The following C5orf58 variants were observed in gnomAD, a reference collection of about 807,000 sequenced individuals.
C5orf58 encodes chromosome 5 open reading frame 58.
A neutral mutation model predicts 2.9 loss-of-function variants in C5orf58; 2 were observed. That is an observed-to-expected ratio of 0.69 (90% CI 0.28 to 2.18). The LOEUF (loss-of-function observed/expected upper bound fraction) is 2.18, where lower values mean the gene tolerates loss of function less well. Among genes scored for constraint, C5orf58 ranks in the 30% most tolerant of loss-of-function variants. The pLI is 0.13. For missense variants in C5orf58, 96 were observed against 91.7 expected, an observed-to-expected ratio of 1.05 and a Z score of -0.19; for synonymous variants, 37 against 33.4, an observed-to-expected ratio of 1.11 and a Z score of -0.37.
chr5:170,238,890 A>T (rs533284036), intron 3 of C5orf58, among the ~76,000 whole-genome samples: 1 of 152,334 alleles, frequency 6.6e-6, no homozygotes, highest in South Asian at 2.1e-4. Context: ...TACTGAGCCT[A>T]TATGTCACCA....
chr5:170,250,718 T>C (rs1308888715), downstream of C5orf58: 1 of 1,610,698 alleles, frequency 6.2e-7, no homozygotes, highest in Non-Finnish European at 8.5e-7. Context: ...TGTCGAAATT[T>C]GAAATCCTTA....
chr5:170,249,362 G>GTA (rs72371153), downstream of C5orf58, among the ~76,000 whole-genome samples: 6,628 of 108,028 alleles, frequency 0.061, 156 homozygotes, highest in Middle Eastern at 0.15. Context: ...GCATGCGTGT[G>GTA]TATATATATA....
At chr5:170,242,154 T>C (rs1220594400) in intron 3 of C5orf58, among the ~76,000 whole-genome samples, 1 of 150,904 alleles carries the variant, frequency 6.6e-6, no homozygotes, top group Admixed American at 6.6e-5. Context: ...GATAAGCTTT[T>C]TGATATGCTG....
chr5:170,248,938 G>T (rs927896650), downstream of C5orf58: 1 of 992,250 alleles, frequency 1.0e-6, no homozygotes, highest in Non-Finnish European at 1.5e-6. Context: ...ATTGTGGGGG[G>T]AAAAAATGTA....
chr5:170,235,151 A>G (rs1043634876), intron 3 of C5orf58, 81 bp downstream of exon 3: 3 of 745,108 alleles, frequency 4.0e-6, no homozygotes, highest in African/African-American at 3.7e-5. Context: ...CTGCTGGGGT[A>G]TAAGTAAATT....
At chr5:170,237,564 A>T (rs1228457580) in intron 3 of C5orf58, among the ~76,000 whole-genome samples, 1 of 152,168 alleles carries the variant, frequency 6.6e-6, no homozygotes, top group Non-Finnish European at 1.5e-5. Context: ...ACAAGTCTGA[A>T]CCCCAAAGCC....
chr5:170,252,441 A>G (rs934749428), downstream of C5orf58: 4 of 1,556,610 alleles, frequency 2.6e-6, no homozygotes, highest in African/African-American at 1.4e-5. Context: ...TACCTGGTTT[A>G]TCTTTCTAAG....
At chr5:170,251,022 T>C, downstream of C5orf58, 1 of 625,566 alleles carries the variant, frequency 1.6e-6, no homozygotes, top group Admixed American at 3.0e-5. Flanking sequence ...GCAAAACCTG[T>C]CATTCAACGA....
intron 1 of C5orf58, 60 bp downstream of exon 1, chr5:170,233,067 C>T: frequency 1.3e-6 from 1 of 787,084 alleles, no homozygotes; most frequent in Non-Finnish European, 1.5e-6. Context: ...AGGGTGAAGA[C>T]CGCTGAAATT....
chr5:170,239,175 C>T (rs752736260), intron 3 of C5orf58, among the ~76,000 whole-genome samples: 3 of 152,112 alleles, frequency 2.0e-5, no homozygotes, highest in Non-Finnish European at 4.4e-5. Flanking sequence ...TCTGATAATG[C>T]AGCAATGCAA....
Position 170,246,031 on chromosome 5 carries a change from C to G in C5orf58, c.164C>G (p.Ala55Gly), listed in dbSNP as rs1482941458. 2 of 1,613,548 alleles carry G rather than the reference C, an allele frequency of 1.2e-6. No individual in the cohort carries two copies. The highest frequency in any genetic ancestry group is 3.3e-5 in the Admixed American group (2 of 60,012). ...CATCCCATCAAGACTGAGAACTTAG[C>G]AGAAGCAGAAAGAAACAACCCCCTC... ...FNHPIKTENL[A>G]EAERNNPLFE... The change falls in exon 4 of 4, where the codon GCA becomes GGA. Residue 55 changes from alanine to glycine, a missense_variant. By Grantham distance (60) the Ala-to-Gly change is moderately conservative (BLOSUM62 0). Coordinates refer to ENST00000593851, the MANE Select transcript of C5orf58 (RefSeq NM_001102609.3).
chr5:170,251,522 T>C (rs1376089288), intron 2 of C5orf58: 1 of 366,112 alleles, frequency 2.7e-6, no homozygotes, highest in South Asian at 2.0e-5. Flanking sequence ...AAAGATCTAA[T>C]ATTAAAATAG....
chr5:170,235,750 A>T (rs565099960), intron 3 of C5orf58, among the ~76,000 whole-genome samples: 62 of 152,282 alleles, frequency 4.1e-4, no homozygotes, highest in African/African-American at 1.2e-3. Flanking sequence ...ACTACACTGA[A>T]TATGTAGTTA....
chr5:170,247,319 C>T (rs1761320822), downstream of C5orf58: 1 of 152,206 alleles, frequency 6.6e-6, no homozygotes, highest in Admixed American at 6.5e-5. Flanking sequence ...CCATTTTTAT[C>T]ATCAGTTAAA....
chr5:170,247,937 A>G (rs115807981), downstream of C5orf58: 1 of 152,360 alleles, frequency 6.6e-6, no homozygotes, highest in African/African-American at 2.4e-5. Flanking sequence ...AGATGTGTTC[A>G]TTAAACCTAG....
At chr5:170,245,245 C>T (rs1379096297) in intron 3 of C5orf58, among the ~76,000 whole-genome samples, 5 of 152,280 alleles carry the variant, frequency 3.3e-5, no homozygotes, top group Admixed American at 6.5e-5. Context: ...TGCCCTGCCC[C>T]CAGAGGTGGA....
At chr5:170,238,681 A>C (rs1229508593) in intron 3 of C5orf58, among the ~76,000 whole-genome samples, 1 of 152,244 alleles carries the variant, frequency 6.6e-6, no homozygotes, top group Non-Finnish European at 1.5e-5. Context: ...AAAGATCTGT[A>C]AAGCTTCTGA....
At chr5:170,242,121 A>T (rs1282107941) in intron 3 of C5orf58, among the ~76,000 whole-genome samples, 18 of 149,736 alleles carry the variant, frequency 1.2e-4, no homozygotes, top group South Asian at 4.3e-4. Flanking sequence ...CATCCCAGGG[A>T]TGAAGCCCAC....
At position 170,246,175 on chromosome 5, in the gene C5orf58, G is replaced by T. The variant is rs181069465; in HGVS notation, c.*62G>T. ...ACTAACAAATATTTGGGAGAGTTGA[G>T]TTTACTAATTTGTATATATATAATT... On this transcript the variant is annotated 3_prime_UTR_variant, in exon 4 of 4. Coordinates refer to ENST00000593851, the MANE Select transcript of C5orf58 (RefSeq NM_001102609.3). The T allele has an allele frequency of 2.9e-6, 4 of 1,361,712 alleles. No individual in the cohort carries two copies. The East Asian group carries it at 6.9e-5, about 24-fold the overall frequency. 84.4% of individuals were successfully genotyped at this position (1,361,712 alleles called of 1,614,324 possible). A position where few individuals can be genotyped will look rare whatever the true frequency, so the allele number is the denominator to read the frequency against.
Sources: gnomAD v4.1 joint callset for allele counts (sites outside exome capture counted in the v4.1 genomes callset) on GRCh38, gnomAD v4.1.1 for gene constraint, MANE v1.5 for transcripts, NCBI Gene and HGNC (gene_info 2026-07-23, HGNC 2026-07-21) for gene names.